Variants in SGCZ observed in about 807,000 individuals in gnomAD.
SGCZ encodes sarcoglycan zeta.
A neutral mutation model predicts 41.3 loss-of-function variants in SGCZ; 40 were observed. The observed-to-expected ratio is 0.97, with a 90% CI of 0.75 to 1.26. SGCZ has a LOEUF of 1.26. Ranked by LOEUF, SGCZ falls within the 50% of genes most tolerant of loss-of-function variation. The probability of loss-of-function intolerance (pLI) is 0.00; values close to 1 mark genes in which losing one functional copy is unlikely to be tolerated. For synonymous variants in SGCZ, 206 were observed against 137.5 expected, an observed-to-expected ratio of 1.50 and a Z score of -3.49; for missense variants, 552 against 369.8, an observed-to-expected ratio of 1.49 and a Z score of -4.04.
chr8:14,537,787 T>C (rs554552078), intron 2 of SGCZ, among the ~76,000 whole-genome samples: 2 of 152,076 alleles, frequency 1.3e-5, no homozygotes, highest in East Asian at 1.9e-4. Context: ...AATGTGTTTG[T>C]GAACGCTAAA....
chr8:14,529,539 C>G (rs566007252), intron 2 of SGCZ, among the ~76,000 whole-genome samples: 1 of 152,152 alleles, frequency 6.6e-6, no homozygotes, highest in Non-Finnish European at 1.5e-5. Context: ...CATTAGCCCT[C>G]ATCTAGGATT....
At chr8:14,310,983 T>C (rs535283298) in intron 3 of SGCZ, among the ~76,000 whole-genome samples, 1 of 152,274 alleles carries the variant, frequency 6.6e-6, no homozygotes, top group South Asian at 2.1e-4. Flanking sequence ...GGTATGCTTT[T>C]CTGGGTTTGA....
At chr8:14,504,831 T>C (rs1055936100) in intron 2 of SGCZ, among the ~76,000 whole-genome samples, 3 of 152,192 alleles carry the variant, frequency 2.0e-5, no homozygotes, top group African/African-American at 2.4e-5. Flanking sequence ...CTGTCTTCAA[T>C]TGAACCATTA....
At chr8:14,268,271 C>T (rs1799943946) in intron 3 of SGCZ, among the ~76,000 whole-genome samples, 1 of 149,058 alleles carries the variant, frequency 6.7e-6, no homozygotes, top group Non-Finnish European at 1.5e-5. Flanking sequence ...ATTGTCTTCC[C>T]TACTCCCAGG....
chr8:14,131,542 C>G (rs1316975931), intron 5 of SGCZ, among the ~76,000 whole-genome samples: 10 of 152,254 alleles, frequency 6.6e-5, no homozygotes, highest in African/African-American at 2.2e-4. Flanking sequence ...TTCCTTCTCT[C>G]TTGCTGCTTT....
chr8:14,370,292 T>G (rs1803864771), intron 2 of SGCZ, among the ~76,000 whole-genome samples: 1 of 152,008 alleles, frequency 6.6e-6, no homozygotes, highest in African/African-American at 2.4e-5. Context: ...TATAGGAAAT[T>G]GTTGGCTTGG....
chr8:14,832,876 AT>A (rs1802579547), intron 1 of SGCZ, among the ~76,000 whole-genome samples: 1 of 152,162 alleles, frequency 6.6e-6, no homozygotes, highest in African/African-American at 2.4e-5. Flanking sequence ...GGATGTTTTA[AT>A]AGGTAGGTTT....
chr8:14,480,047 C>A (rs1801492848), intron 2 of SGCZ, among the ~76,000 whole-genome samples: 3 of 152,294 alleles, frequency 2.0e-5, no homozygotes, highest in South Asian at 4.1e-4. Context: ...ACTGGCCAGC[C>A]ATTTCTCCTT....
intron 3 of SGCZ, among the ~76,000 whole-genome samples, chr8:14,238,760 T>G (rs774345035): frequency 6.6e-6 from 1 of 152,132 alleles, no homozygotes; most frequent in Non-Finnish European, 1.5e-5. Context: ...GGGGGACATT[T>G]CGGTGATCAA....
chr8:14,280,439 G>T (rs1008925519), intron 3 of SGCZ, among the ~76,000 whole-genome samples: 2 of 151,752 alleles, frequency 1.3e-5, no homozygotes, highest in African/African-American at 4.8e-5. Flanking sequence ...TTAAAAGGAA[G>T]AAATATTGCT....
intron 1 of SGCZ, among the ~76,000 whole-genome samples, chr8:14,799,073 T>A (rs1248491460): frequency 6.6e-6 from 1 of 151,950 alleles, no homozygotes; most frequent in African/African-American, 2.4e-5. Flanking sequence ...AAAATTATTT[T>A]TATGTAAATA....
intron 2 of SGCZ, among the ~76,000 whole-genome samples, chr8:14,466,589 T>C (rs375349225): frequency 4.6e-5 from 7 of 152,034 alleles, no homozygotes; most frequent in African/African-American, 1.7e-4. Context: ...AGTGCACATA[T>C]TGCTCTGCTT....
intron 1 of SGCZ, among the ~76,000 whole-genome samples, chr8:14,986,100 A>C (rs1241881963): frequency 6.6e-6 from 1 of 152,128 alleles, no homozygotes; most frequent in Non-Finnish European, 1.5e-5. Context: ...CATGTATGGC[A>C]CATTTTTAAG....
chr8:14,826,237 T>A (rs1324954068), intron 1 of SGCZ, among the ~76,000 whole-genome samples: 1 of 152,172 alleles, frequency 6.6e-6, no homozygotes, highest in African/African-American at 2.4e-5. Context: ...TCCAGCTTCA[T>A]CCATGTCCCT....
rs1360182449 is a variant in SGCZ at position 14,184,266 on chromosome 8, G to A, written c.425-19564C>T. 5.3e-5 allele frequency among the ~76,000 whole-genome samples: 8 copies of A among 151,158 alleles called. No homozygotes were observed. The East Asian group carries it at 1.5e-3, about 29-fold the overall frequency. On this transcript the variant is annotated intron_variant, in intron 4 of 7. Transcript: ENST00000382080. ...ACAGATTATCTGTGATCTCATATCAGCAGGAGCTAAAATATTCCCACCCCC... is the reference window on the plus strand; with the variant it reads ...ACAGATTATCTGTGATCTCATATCAACAGGAGCTAAAATATTCCCACCCCC...
chr8:14,832,797 A>C (rs1248795137), intron 1 of SGCZ, among the ~76,000 whole-genome samples: 2 of 152,120 alleles, frequency 1.3e-5, no homozygotes, highest in Non-Finnish European at 2.9e-5. Context: ...TCAGAGACAT[A>C]AATAATTCAT....
intron 3 of SGCZ, among the ~76,000 whole-genome samples, chr8:14,302,589 C>T (rs1361600758): frequency 1.3e-5 from 2 of 152,042 alleles, no homozygotes. Context: ...TGACTCTGTC[C>T]CCATGTGGCT....
chr8:14,404,115 G>T (rs1303630292), intron 2 of SGCZ, among the ~76,000 whole-genome samples: 4 of 152,104 alleles, frequency 2.6e-5, no homozygotes, highest in Non-Finnish European at 5.9e-5. Flanking sequence ...GGGTGCCAGA[G>T]GTGGAGATGC....
chr8:14,527,660 T>A (rs10104474), intron 2 of SGCZ, among the ~76,000 whole-genome samples: 2,804 of 152,194 alleles, frequency 0.018, 52 homozygotes, highest in African/African-American at 0.044. Flanking sequence ...AAATTTTAAT[T>A]AAAATGAAAT....
Sources: gnomAD v4.1 joint callset for allele counts (sites outside exome capture counted in the v4.1 genomes callset) on GRCh38, gnomAD v4.1.1 for gene constraint, MANE v1.5 for transcripts, NCBI Gene and HGNC (gene_info 2026-07-23, HGNC 2026-07-21) for gene names.